Variants in THADA observed in about 807,000 individuals in gnomAD.
The protein encoded by THADA is tRNA (32-2'-O)-methyltransferase regulator THADA.
THADA carries 213 observed loss-of-function variants against 219.8 expected under a neutral mutation model. The ratio of observed to expected loss-of-function variants is 0.97; its 90% confidence interval spans 0.87 to 1.09. THADA has a LOEUF of 1.09. Ranked by LOEUF, THADA falls within the 50% of genes least tolerant of loss-of-function variation. The probability of loss-of-function intolerance (pLI) is 0.00; values close to 1 mark genes in which losing one functional copy is unlikely to be tolerated. For missense variants in THADA, 2,956 were observed against 2,311.3 expected, an observed-to-expected ratio of 1.28 and a Z score of -5.72; for synonymous variants, 1,018 against 828.9, an observed-to-expected ratio of 1.23 and a Z score of -3.92.
intron 22 of THADA, among the ~76,000 whole-genome samples, chr2:43,512,426 A>G (rs1010556436): frequency 1.3e-5 from 2 of 152,022 alleles, no homozygotes; most frequent in African/African-American, 4.8e-5. Flanking sequence ...TGGAACTTCC[A>G]CCCTCCCTTT....
chr2:43,578,471 A>G (rs749359508), intron 9 of THADA, 42 bp downstream of exon 9: 1 of 1,497,840 alleles, frequency 6.7e-7, no homozygotes, highest in Non-Finnish European at 9.2e-7. Context: ...AACATACCCT[A>G]ACTCTCAATA....
At chr2:43,450,682 T>C (rs1057478827) in intron 26 of THADA, among the ~76,000 whole-genome samples, 5 of 152,080 alleles carry the variant, frequency 3.3e-5, no homozygotes, top group Non-Finnish European at 5.9e-5. Flanking sequence ...AGACAAGAGA[T>C]TGGCAGAATG....
chr2:43,430,555 A>T (rs749627170), intron 26 of THADA: 3 of 493,146 alleles, frequency 6.1e-6, no homozygotes, highest in Non-Finnish European at 1.2e-5. Flanking sequence ...ATTTGATATT[A>T]AATTTTATCA....
rs543974392 is a variant in THADA at position 43,585,907 on chromosome 2, T to C, written c.533+494A>G. On this transcript the variant is annotated intron_variant, in intron 7 of 37. Transcript: ENST00000405975. ...TTAATAAAGTTCAAATATAAAAACTTTGAATTTATTAAAATTAAATATCAA... is the reference window on the plus strand; with the variant it reads ...TTAATAAAGTTCAAATATAAAAACTCTGAATTTATTAAAATTAAATATCAA... 8.3e-4 allele frequency among the ~76,000 whole-genome samples: 127 copies of C among 152,138 alleles called. 1 individual carries two copies. Among genetic ancestry groups the C allele is most frequent in the African/African-American group, 2.9e-3 (120 of 41,554 alleles).
At chr2:43,571,957 A>G (rs1699352833) in intron 12 of THADA, 95 bp from the exon 13 acceptor site, 1 of 1,219,216 alleles carries the variant, frequency 8.2e-7, no homozygotes, top group South Asian at 1.5e-5. Flanking sequence ...ACAAAAGGAA[A>G]AAAGTAAACT....
In THADA at chr2:43,586,935, C is replaced by T. The variant is rs781374845; in HGVS notation, c.370G>A (p.Glu124Lys). ...AMHRFTSRLQEELNTTDLYSY... is the reference protein window; with the variant it reads ...AMHRFTSRLQKELNTTDLYSY... The stretch of plus-strand genomic sequence containing the variant: ...TATAAGTCAGTAGTATTCAATTCTT[C>T]CTGAAGACGAGAAGTAAAACGGTGC... Residue 124 changes from glutamate to lysine, a missense_variant, in exon 5 of 38, where the codon GAA (glutamate) becomes AAA (lysine). Coordinates refer to ENST00000405975, the MANE Select transcript of THADA (RefSeq NM_022065.5). 8 of 1,613,610 alleles carry T rather than the reference C, an allele frequency of 5.0e-6. No individual in the cohort carries two copies. In the Admixed American group the frequency reaches 1.3e-4, roughly 27 times the overall value.
At chr2:43,568,457 G>A (rs961876370) in intron 14 of THADA, among the ~76,000 whole-genome samples, 2 of 152,086 alleles carry the variant, frequency 1.3e-5, no homozygotes, top group Non-Finnish European at 2.9e-5. Context: ...AAAGCCACAG[G>A]TGTACCAGTA....
At chr2:43,264,119 C>T (rs1379708594) in intron 36 of THADA, among the ~76,000 whole-genome samples, 2 of 152,104 alleles carry the variant, frequency 1.3e-5, no homozygotes, top group Non-Finnish European at 2.9e-5. Flanking sequence ...TGTCACGGGG[C>T]ACCTTGCCTA....
chr2:43,297,891 G>A (rs1373474957), intron 31 of THADA, among the ~76,000 whole-genome samples: 20 of 100,942 alleles, frequency 2.0e-4, no homozygotes, highest in Admixed American at 5.2e-4. Context: ...CTGCCCGGCC[G>A]CCCCTACTGG....
intron 29 of THADA, among the ~76,000 whole-genome samples, chr2:43,386,357 A>T (rs1229718274): frequency 6.6e-6 from 1 of 152,158 alleles, no homozygotes; most frequent in Non-Finnish European, 1.5e-5. Context: ...TGTCCAAAAC[A>T]GAGAGCCTTC....
Position 43,255,179 on chromosome 2 carries a change from C to T in THADA, c.5297-22297G>A, listed in dbSNP as rs1046735788. Reference sequence around the variant, plus strand: ...TAAAGCAGGTACCAGAGCAGAGGGACGTACCACATTCTTCTCTGAAAACAT... The same window carrying T: ...TAAAGCAGGTACCAGAGCAGAGGGATGTACCACATTCTTCTCTGAAAACAT... On this transcript the variant is annotated intron_variant, in intron 36 of 37. Transcript: ENST00000405975. 3.3e-5 allele frequency among the ~76,000 whole-genome samples: 5 copies of T among 152,098 alleles called. No homozygotes were observed. In the East Asian group the frequency reaches 5.8e-4, roughly 18 times the overall value.
intron 28 of THADA, among the ~76,000 whole-genome samples, chr2:43,423,412 A>C (rs1002869705): frequency 6.6e-6 from 1 of 151,562 alleles, no homozygotes; most frequent in Non-Finnish European, 1.5e-5. Context: ...CCTACCAAAT[A>C]AGTAGCTTTA....
intron 16 of THADA, among the ~76,000 whole-genome samples, chr2:43,559,702 G>C (rs577137723): frequency 2.0e-5 from 3 of 152,296 alleles, no homozygotes; most frequent in African/African-American, 7.2e-5. Context: ...AAGAATGGAG[G>C]GGCTGGGGAT....
At chr2:43,381,495 A>T (rs1461504159) in intron 29 of THADA, among the ~76,000 whole-genome samples, 1 of 152,198 alleles carries the variant, frequency 6.6e-6, no homozygotes, top group Non-Finnish European at 1.5e-5. Context: ...GAAAAAAGAC[A>T]GAAGAGGAGA....
At chr2:43,421,542 T>C (rs1389607587) in intron 28 of THADA, among the ~76,000 whole-genome samples, 5 of 152,208 alleles carry the variant, frequency 3.3e-5, no homozygotes, top group Admixed American at 6.5e-5. Context: ...CTGTTCAAGA[T>C]ACTTTGGGAA....
At chr2:43,566,257 C>T (rs1205588463) in intron 15 of THADA, 12 of 481,606 alleles carry the variant, frequency 2.5e-5, no homozygotes, top group Middle Eastern at 5.4e-4. Flanking sequence ...ATTGTCTTTC[C>T]GAAACCAGAC....
chr2:43,246,134 G>A (rs976483975), intron 36 of THADA, among the ~76,000 whole-genome samples: 7 of 151,420 alleles, frequency 4.6e-5, no homozygotes, highest in Admixed American at 1.3e-4. Context: ...CTTACTAGGC[G>A]CCCACCTCCC....
Position 43,566,824 on chromosome 2 carries a change from TAAAA to T in THADA, c.2188-7_2188-4del. ...TTACAAATGGATGACATGAAATTCT[TAAAA>T]AAAAAAAAAAAATTACAGTAAGTAT... On this transcript the variant is annotated splice_region_variant and splice_polypyrimidine_tract_variant and intron_variant, in intron 14 of 37. Transcript: ENST00000405975. The T allele has an allele frequency of 2.5e-6, 3 of 1,204,086 alleles. No homozygotes were observed. Among genetic ancestry groups the T allele is most frequent in the African/African-American group, 1.6e-5 (1 of 61,136 alleles). 74.6% of individuals were successfully genotyped at this position (1,204,086 alleles called of 1,614,324 possible).
intron 28 of THADA, among the ~76,000 whole-genome samples, chr2:43,417,509 T>C (rs186241808): frequency 6.6e-6 from 1 of 152,226 alleles, no homozygotes; most frequent in East Asian, 1.9e-4. Context: ...TTAAGCTTTA[T>C]TGCAAGTTTT....
Sources: allele counts gnomAD v4.1 joint callset (sites outside exome capture counted in the v4.1 genomes callset), GRCh38; gene constraint gnomAD v4.1.1; transcripts MANE v1.5; gene names NCBI Gene and HGNC (gene_info 2026-07-23, HGNC 2026-07-21).